The following TRIM39 variants were observed in gnomAD, a reference collection of about 807,000 sequenced individuals.
TRIM39 encodes the protein tripartite motif containing 39, also known as E3 ubiquitin-protein ligase TRIM39.
Under a neutral mutation model 53.6 loss-of-function variants are expected in TRIM39, and 5 were observed. The ratio of observed to expected loss-of-function variants is 0.09; its 90% CI spans 0.05 to 0.20. The LOEUF (loss-of-function observed/expected upper bound fraction) is 0.20. TRIM39 is among the 10% of genes least tolerant of loss of function. The pLI is 1.00. For synonymous variants in TRIM39, 196 were observed against 237.6 expected (o/e 0.82, Z 1.61); for missense variants, 310 against 621.0 (o/e 0.50, Z 5.32).
rs1303436837 is a variant in TRIM39, at chr6:30,338,503, T to C, written c.781-1405T>C. Among the ~76,000 whole-genome samples, 1 of 151,522 alleles carries C rather than the reference T, an allele frequency of 6.6e-6. No homozygotes were observed. The highest frequency in any genetic ancestry group is 1.5e-5 in the Non-Finnish European group (1 of 67,966). On this transcript the variant is annotated intron_variant, in intron 5 of 7. Coordinates refer to ENST00000396551, the Ensembl canonical transcript of TRIM39. The surrounding 1 kb of genome is among the most constrained non-coding windows in gnomAD (Gnocchi z 4.0). The stretch of plus-strand genomic sequence containing the variant: ...GATCAGTTAGAACACATAAAATATA[T>C]TTATCGATTAAGTTGTTCGTCTTAT...
exon 1 of TRIM39, chr6:30,326,869 G>C (rs1785373837): frequency 6.6e-6 from 1 of 152,444 alleles, no homozygotes; most frequent in African/African-American, 2.4e-5. Context: ...CACGAGCCTC[G>C]GCGCGGCTTC....
chr6:30,329,241 CAAA>C (rs200072323), intron 2 of TRIM39, 67 bp from the exon 3 acceptor site: 1,009 of 1,335,070 alleles, frequency 7.6e-4, no homozygotes, highest in South Asian at 9.2e-4. Flanking sequence ...GTCAGGGATG[CAAA>C]AAAAAAAAAA....
chr6:30,337,043 A>C (rs771083595), intron 5 of TRIM39, among the ~76,000 whole-genome samples: 3 of 152,220 alleles, frequency 2.0e-5, no homozygotes, highest in Admixed American at 6.5e-5. Context: ...GATCAAGTGC[A>C]TTGTCAGTGA....
rs759519427 is a variant in TRIM39 at position 30,339,857 on chromosome 6, G to C, written c.781-51G>C. 3 of 1,613,228 alleles carry C rather than the reference G, an allele frequency of 1.9e-6. No individual in the cohort carries two copies. Among genetic ancestry groups the C allele is most frequent in the Non-Finnish European group, 2.5e-6 (3 of 1,179,538 alleles). ...GAGGAGGGGGAACCTTTTGCCTTCA[G>C]GACCACTGAATACCAGGACCAATAT... On this transcript the variant is annotated intron_variant, in intron 5 of 7. Coordinates refer to ENST00000396551, the Ensembl canonical transcript of TRIM39. The surrounding 1 kb of genome is among the most constrained non-coding windows in gnomAD (Gnocchi z 4.2).
At chr6:30,326,900 T>C (rs1282438352) in exon 1 of TRIM39, 2 of 152,274 alleles carry the variant, frequency 1.3e-5, no homozygotes, top group African/African-American at 4.8e-5. Context: ...GAGTATTGTG[T>C]GTCGCGCCGC....
At chr6:30,337,829 T>C (rs1387946298) in intron 5 of TRIM39, among the ~76,000 whole-genome samples, 2 of 152,194 alleles carry the variant, frequency 1.3e-5, no homozygotes, top group African/African-American at 4.8e-5. Context: ...CCTTCTTCAA[T>C]AGAAGGCTGT....
intron 6 of TRIM39, 62 bp from the exon 7 acceptor site, chr6:30,340,443 C>CACTT: frequency 1.2e-6 from 2 of 1,609,904 alleles, no homozygotes; most frequent in Non-Finnish European, 1.7e-6. Context: ...TCTGAATAGT[C>CACTT]ACTTGGCTGG....
chr6:30,329,060 C>A lies in TRIM39; in HGVS notation c.-8+19C>A. On this transcript the variant is annotated intron_variant, in intron 2 of 7. Coordinates refer to ENST00000396551, the Ensembl canonical transcript of TRIM39. ...AGCAGAGGTAAGAGACAAGATAGAT[C>A]AATTGGGGGTTGTGTGTCAGTTTAC... 2.0e-6 allele frequency: 1 copy of A among 505,904 alleles called. No homozygotes were observed. The highest frequency in any genetic ancestry group is 2.8e-5 in the South Asian group (1 of 36,330). 31.3% of individuals were successfully genotyped at this position (505,904 alleles called of 1,614,324 possible). A position where few individuals can be genotyped will look rare whatever the true frequency, so the allele number is the denominator to read the frequency against.
chr6:30,332,132 A>G (rs960962998), intron 4 of TRIM39, among the ~76,000 whole-genome samples: 1 of 152,224 alleles, frequency 6.6e-6, no homozygotes, highest in African/African-American at 2.4e-5. Flanking sequence ...GACCTTGGGT[A>G]AGTGACTAGT....
Position 30,335,867 on chromosome 6 carries a change from G to A in TRIM39, c.672G>A (p.Gln224=). 1 of 1,612,986 alleles carries A rather than the reference G, an allele frequency of 6.2e-7. No individual in the cohort carries two copies. The highest frequency in any genetic ancestry group is 1.3e-5 in the African/African-American group (1 of 75,024). ...AAGAAGAGGAACAGGACATTCTGCAGCGACTCCGAGAAAATGCTGCTCACC... is the reference window on the plus strand; with the variant it reads ...AAGAAGAGGAACAGGACATTCTGCAACGACTCCGAGAAAATGCTGCTCACC... Residue 224 remains glutamine (Q), a synonymous_variant, in exon 5 of 8, where the codon CAG becomes CAA. Coordinates refer to ENST00000396551, the Ensembl canonical transcript of TRIM39. The surrounding 1 kb of genome is among the most constrained non-coding windows in gnomAD (Gnocchi z 4.7).
chr6:30,330,325 T>C (rs1785980444), intron 3 of TRIM39, among the ~76,000 whole-genome samples: 1 of 152,246 alleles, frequency 6.6e-6, no homozygotes, highest in Admixed American at 6.5e-5. Flanking sequence ...TTTTATCATA[T>C]ACTTTGCTTA....
At chr6:30,331,108 A>G (rs1312673392) in intron 4 of TRIM39, among the ~76,000 whole-genome samples, 1 of 152,124 alleles carries the variant, frequency 6.6e-6, no homozygotes, top group Admixed American at 6.5e-5. Flanking sequence ...TGTCTTTACT[A>G]AAAACAAAAA....
chr6:30,335,772 A>G lies in TRIM39; in HGVS notation c.577A>G (p.Ile193Val). The G allele has an allele frequency of 6.2e-7, 1 of 1,612,926 alleles. No homozygotes were observed. Among genetic ancestry groups the G allele is most frequent in the South Asian group, 1.1e-5 (1 of 91,068 alleles). Residue 193 changes from isoleucine (I) to valine (V), a missense_variant, in exon 5 of 8, where the codon ATC (isoleucine) becomes GTC (valine). Ile to Val is a conservative substitution (Grantham distance 29, BLOSUM62 3). Coordinates refer to ENST00000396551, the Ensembl canonical transcript of TRIM39. This position sits in a 1 kb window ranked among gnomAD's most constrained non-coding sequence, Gnocchi z 4.7. The stretch of plus-strand genomic sequence containing the variant: ...ACTAGTGGAAAGTCGCCGACAGCAG[A>G]TCTTGAGGGAGTTTGAAGAGCTTCA...
At chr6:30,341,860 G>A (rs777718667) in exon 8 of TRIM39, 4 of 1,613,034 alleles carry the variant, frequency 2.5e-6, no homozygotes, top group South Asian at 2.2e-5. Flanking sequence ...TGGCTACTGA[G>A]GGTTTCACCT....
intron 4 of TRIM39, among the ~76,000 whole-genome samples, chr6:30,331,177 G>A (rs1349398952): frequency 6.6e-6 from 1 of 152,042 alleles, no homozygotes; most frequent in East Asian, 1.9e-4. Flanking sequence ...GCTGAGGCAG[G>A]AGAATTGCTT....
rs1554252236 is a variant in TRIM39, at chr6:30,338,008, A to G, written c.781-1900A>G. ...CTTAAAACAACCTACCTAACTTTAA[A>G]CTTTTCTTCTGCAGCTTCCTTACCT... On this transcript the variant is annotated intron_variant, in intron 5 of 7. Transcript: ENST00000396551. The surrounding 1 kb of genome is among the most constrained non-coding windows in gnomAD (Gnocchi z 4.0). Among the ~76,000 whole-genome samples the G allele has an allele frequency of 6.6e-6, 1 of 152,152 alleles. No homozygotes were observed. The highest frequency in any genetic ancestry group is 1.5e-5 in the Non-Finnish European group (1 of 68,024).
At position 30,329,178 on chromosome 6, in the gene TRIM39, TAAC is replaced by T. The variant is rs1222303246; in HGVS notation, c.-7-130_-7-128del. The T allele has an allele frequency of 3.8e-6, 4 of 1,054,820 alleles. No individual in the cohort carries two copies. The African/African-American group carries it at 6.6e-5, about 18-fold the overall frequency. 65.3% of individuals were successfully genotyped at this position (1,054,820 alleles called of 1,614,324 possible). ...ATTGATTGGAAGAGAAGATGGAGAA[TAAC>T]AAGAAGGGGCAAATCTGGAGTTAGG... On this transcript the variant is annotated intron_variant, in intron 2 of 7. Coordinates refer to ENST00000396551, the Ensembl canonical transcript of TRIM39.
At chr6:30,326,497 G>T (rs892630605) in exon 1 of TRIM39, 2 of 152,474 alleles carry the variant, frequency 1.3e-5, no homozygotes, top group Non-Finnish European at 2.9e-5. Flanking sequence ...GAAAAGTGTG[G>T]AAGTCCACAA....
rs1458170221 is a variant in TRIM39 at position 30,327,485 on chromosome 6, A to C, written c.-161+490A>C. 4 of 152,888 alleles carry C rather than the reference A, an allele frequency of 2.6e-5. No homozygotes were observed. The East Asian group carries it at 7.7e-4, about 29-fold the overall frequency. The allele number at this position is 152,888 out of a possible 1,614,324, so 9.5% of individuals were successfully genotyped here. On this transcript the variant is annotated intron_variant, in intron 1 of 7. Transcript: ENST00000396551. ...GACCCTGAACAGTGGTAGAAACAAA[A>C]TGAGATTGTCCCTGAAGTTTGCCCT...
Sources: allele counts gnomAD v4.1 joint callset (sites outside exome capture counted in the v4.1 genomes callset), GRCh38; gene constraint gnomAD v4.1.1; non-coding constraint Gnocchi (gnomAD v3.1); transcripts MANE v1.5; gene names NCBI Gene and HGNC (gene_info 2026-07-23, HGNC 2026-07-21).